TEX14: variants seen among roughly 807,000 people sequenced by gnomAD.
TEX14 encodes the protein inactive serine/threonine-protein kinase TEX14.
Under a neutral mutation model 178.6 loss-of-function variants are expected in TEX14, and 168 were observed. The ratio of observed to expected loss-of-function variants is 0.94; its 90% confidence interval spans 0.83 to 1.07. The LOEUF (loss-of-function observed/expected upper bound fraction) is 1.07. Among genes scored for constraint, TEX14 ranks in the 50% least tolerant of loss-of-function variants. The pLI is 0.00. For synonymous variants in TEX14, 626 were observed against 634.1 expected (o/e 0.99, Z 0.19); for missense variants, 1,730 against 1,753.6 (o/e 0.99, Z 0.24).
chr17:58,685,603 G>A (rs302878), intron 1 of TEX14, among the ~76,000 whole-genome samples: 45,245 of 151,586 alleles, frequency 0.3, 7,252 homozygotes, highest in Middle Eastern at 0.48. Context: ...GAAGCAAATG[G>A]GAAAGAGGAA....
In TEX14 at chr17:58,617,515, G is replaced by A. The variant is rs778225173; in HGVS notation, c.636+23C>T. 2.5e-6 allele frequency: 4 copies of A among 1,586,860 alleles called. No homozygotes were observed. The South Asian group carries it at 4.5e-5, about 18-fold the overall frequency. ...TTCTCCAGTTAGTCCTGCAAACACT[G>A]GCTGTCAGTGGCAACCTCTTACCTT... On this transcript the variant is annotated intron_variant, in intron 6 of 31. Coordinates refer to ENST00000349033, the MANE Select transcript of TEX14 (RefSeq NM_031272.5).
chr17:58,558,315 C>A (rs2044194847), intron 30 of TEX14, among the ~76,000 whole-genome samples: 1 of 152,136 alleles, frequency 6.6e-6, no homozygotes, highest in Non-Finnish European at 1.5e-5. Flanking sequence ...TCTGAAGGAA[C>A]TGAGTGTTGG....
chr17:58,648,929 A>G (rs1285743004), intron 2 of TEX14, among the ~76,000 whole-genome samples: 1 of 149,942 alleles, frequency 6.7e-6, no homozygotes, highest in African/African-American at 2.5e-5. Flanking sequence ...AGCTGGGACT[A>G]CAGGCACCCG....
intron 15 of TEX14, among the ~76,000 whole-genome samples, chr17:58,590,259 C>CAAAAA (rs35100175): frequency 3.2e-5 from 3 of 93,792 alleles, no homozygotes; most frequent in African/African-American, 1.2e-4. Flanking sequence ...GACTCTGTGT[C>CAAAAA]AAAAAAAAAA....
intron 1 of TEX14, chr17:58,661,659 TG>T: frequency 4.8e-6 from 3 of 628,392 alleles, no homozygotes; most frequent in Non-Finnish European, 8.6e-6. Context: ...GTAAAGATTC[TG>T]GCGTAGATTT....
intron 5 of TEX14, 46 bp downstream of exon 5, chr17:58,621,604 G>C (rs1354242009): frequency 6.4e-7 from 1 of 1,559,594 alleles, no homozygotes; most frequent in Non-Finnish European, 8.7e-7. Context: ...CCACGAGGAA[G>C]GCTGGGTGAT....
chr17:58,631,120 AT>A, intron 2 of TEX14: 1 of 980,156 alleles, frequency 1.0e-6, no homozygotes, highest in Non-Finnish European at 1.2e-6. Flanking sequence ...CAAGAAAAAA[AT>A]TTAGTCCTCC....
rs2044276669 is a variant in TEX14 at position 58,561,684 on chromosome 17, C to A, written c.4065-72G>T. On this transcript the variant is annotated intron_variant, in intron 28 of 31. Transcript: ENST00000349033. Reference sequence around the variant, plus strand: ...TCCCCCTTGACAAAGATGCATAACACTTTAGAGTAGAAAGGGACCTTAAAA... The same window carrying A: ...TCCCCCTTGACAAAGATGCATAACAATTTAGAGTAGAAAGGGACCTTAAAA... The A allele has an allele frequency of 5.0e-6, 5 of 1,004,572 alleles. No homozygotes were observed. In the Admixed American group the frequency reaches 7.4e-5, roughly 15 times the overall value. 62.2% of individuals were successfully genotyped at this position (1,004,572 alleles called of 1,614,324 possible).
At chr17:58,587,719 A>G in intron 16 of TEX14, 53 bp from the exon 17 acceptor site, 1 of 1,346,926 alleles carries the variant, frequency 7.4e-7, no homozygotes, top group Non-Finnish European at 1.1e-6. Context: ...ACACAAACAC[A>G]TCAGTTTGCT....
At chr17:58,596,638 C>A (rs970394110) in intron 14 of TEX14, among the ~76,000 whole-genome samples, 5 of 151,030 alleles carry the variant, frequency 3.3e-5, no homozygotes, top group African/African-American at 1.2e-4. Context: ...TAATCCCACA[C>A]TTTTGGAGGC....
At chr17:58,625,155 G>A (rs377008897) in intron 3 of TEX14, among the ~76,000 whole-genome samples, 4 of 149,788 alleles carry the variant, frequency 2.7e-5, no homozygotes, top group East Asian at 2.0e-4. Flanking sequence ...TTTTTGAGAC[G>A]AAGTCTCGCT....
At chr17:58,666,082 G>A (rs963076165) in intron 1 of TEX14, among the ~76,000 whole-genome samples, 1 of 150,510 alleles carries the variant, frequency 6.6e-6, no homozygotes, top group Non-Finnish European at 1.5e-5. Flanking sequence ...CATGGCTCAC[G>A]CCTGTAATTC....
intron 3 of TEX14, among the ~76,000 whole-genome samples, chr17:58,626,735 G>A (rs543072852): frequency 6.6e-6 from 1 of 152,168 alleles, no homozygotes; most frequent in Admixed American, 6.5e-5. Context: ...GTCAGGTGTG[G>A]TGGCACGCGC....
intron 8 of TEX14, 129 bp from the exon 9 acceptor site, chr17:58,613,673 T>TTTTC (rs1567736031): frequency 2.1e-4 from 217 of 1,053,766 alleles, no homozygotes; most frequent in Non-Finnish European, 2.5e-4. Flanking sequence ...CTTTTCTTTT[T>TTTTC]TTTTTGACAC....
intron 2 of TEX14, among the ~76,000 whole-genome samples, chr17:58,630,857 C>T (rs922381500): frequency 2.6e-5 from 4 of 151,946 alleles, no homozygotes; most frequent in African/African-American, 9.7e-5. Flanking sequence ...GAGGGAGGGA[C>T]TAAAGATACT....
rs2044719000 is a variant in TEX14 at position 58,577,925 on chromosome 17, G to C, written c.3239-469C>G. Among the ~76,000 whole-genome samples, 3 of 152,302 alleles carry C rather than the reference G, an allele frequency of 2.0e-5. No homozygotes were observed. In the South Asian group the frequency reaches 6.2e-4, roughly 32 times the overall value. On this transcript the variant is annotated intron_variant, in intron 20 of 31. Transcript: ENST00000349033. ...GTGGGCGTGGGGTCTTGAGTACTGAGGAGCTAATTCAACTGTCTTCTGTTC... is the reference window on the plus strand; with the variant it reads ...GTGGGCGTGGGGTCTTGAGTACTGACGAGCTAATTCAACTGTCTTCTGTTC...
At chr17:58,664,584 G>A (rs987279335) in intron 1 of TEX14, among the ~76,000 whole-genome samples, 1 of 152,134 alleles carries the variant, frequency 6.6e-6, no homozygotes, top group African/African-American at 2.4e-5. Flanking sequence ...GAGTCTGCCT[G>A]CAATAAATAA....
intron 29 of TEX14, among the ~76,000 whole-genome samples, chr17:58,560,087 C>A (rs2044243202): frequency 6.6e-6 from 1 of 152,122 alleles, no homozygotes; most frequent in South Asian, 2.1e-4. Context: ...CAGAAACCAT[C>A]CCCCCGACCC....
At chr17:58,689,721 T>C (rs765845290) in intron 1 of TEX14, among the ~76,000 whole-genome samples, 1 of 152,174 alleles carries the variant, frequency 6.6e-6, no homozygotes, top group African/African-American at 2.4e-5. Flanking sequence ...CATAGCTTTG[T>C]TTAGTTCCTA....
Sources: allele counts gnomAD v4.1 joint callset (sites outside exome capture counted in the v4.1 genomes callset), GRCh38; gene constraint gnomAD v4.1.1; transcripts MANE v1.5; gene names NCBI Gene and HGNC (gene_info 2026-07-23, HGNC 2026-07-21).